Variants in PAX7 observed in about 807,000 individuals in gnomAD.
PAX7 encodes paired box 7.
A neutral mutation model predicts 50.7 loss-of-function variants in PAX7; 18 were observed. The ratio of observed to expected loss-of-function variants is 0.36; its 90% CI spans 0.25 to 0.53. The LOEUF (loss-of-function observed/expected upper bound fraction) is 0.53, where lower values mean the gene tolerates loss of function less well. PAX7 is among the 20% of genes least tolerant of loss of function. The pLI is 0.93. For synonymous variants in PAX7, 310 were observed against 290.4 expected (o/e 1.07, Z -0.69); for missense variants, 644 against 702.9 (o/e 0.92, Z 0.95).
chr1:18,713,980 G>C (rs997101994), intron 7 of PAX7, among the ~76,000 whole-genome samples: 2 of 152,188 alleles, frequency 1.3e-5, no homozygotes, highest in African/African-American at 4.8e-5. Flanking sequence ...GGAGGCCAAG[G>C]CGGGTGGATC....
In PAX7 at chr1:18,726,143, TGA is replaced by T. The variant is rs1478505121; in HGVS notation, c.1156-9487_1156-9486del. 1.1e-5 allele frequency among the ~76,000 whole-genome samples: 1 copy of T among 92,240 alleles called. No homozygotes were observed. Among genetic ancestry groups the T allele is most frequent in the Non-Finnish European group, 2.1e-5 (1 of 47,832 alleles). 60.5% of individuals were successfully genotyped at this position (92,240 alleles called of 152,430 possible). ...TTATAAAACAGACATTGGAAGAGTGTGAGTGTGTGTGTGTGTGTGTGTGTGTG... is the reference window on the plus strand; with the variant it reads ...TTATAAAACAGACATTGGAAGAGTGTGTGTGTGTGTGTGTGTGTGTGTGTG... On this transcript the variant is annotated intron_variant, in intron 7 of 8. Transcript: ENST00000420770. This position sits in a 1 kb window ranked among gnomAD's most constrained non-coding sequence, Gnocchi z 4.8.
intron 8 of PAX7, among the ~76,000 whole-genome samples, chr1:18,737,114 C>A (rs978306753): frequency 2.0e-5 from 3 of 152,274 alleles, no homozygotes; most frequent in Non-Finnish European, 4.4e-5. Flanking sequence ...CAGCCTCCAC[C>A]GCCTGGCAAG....
At chr1:18,642,749 G>A (rs1159828259) in intron 4 of PAX7, among the ~76,000 whole-genome samples, 1 of 152,022 alleles carries the variant, frequency 6.6e-6, no homozygotes, top group Non-Finnish European at 1.5e-5. Context: ...GGGGAGGGAG[G>A]GAGGGAACTC....
intron 4 of PAX7, among the ~76,000 whole-genome samples, chr1:18,656,855 G>A (rs1289640337): frequency 6.6e-6 from 1 of 152,026 alleles, no homozygotes; most frequent in African/African-American, 2.4e-5. Context: ...AGCCGGGCAT[G>A]GTGGGGCACG....
At chr1:18,683,539 A>T (rs2088928974) in intron 4 of PAX7, among the ~76,000 whole-genome samples, 1 of 152,238 alleles carries the variant, frequency 6.6e-6, no homozygotes, top group African/African-American at 2.4e-5. Flanking sequence ...TATCCAAAGG[A>T]CAGTCAAGAA....
chr1:18,631,771 G>A (rs1197379431), intron 1 of PAX7, 83 bp downstream of exon 1: 3 of 1,149,678 alleles, frequency 2.6e-6, no homozygotes, highest in Middle Eastern at 2.2e-4. Flanking sequence ...TCCAGGGGAC[G>A]GTGGCGGCGC....
rs1442472714 is a variant in PAX7, at chr1:18,746,514, T to C, written c.*1585T>C. On this transcript the variant is annotated 3_prime_UTR_variant, in exon 9 of 9. Transcript: ENST00000420770. ...ATCTTTACCATCACTGTCACTGTAA[T>C]CTACATTCCATCACCTTTATCAGGT... 1.7e-5 allele frequency: 4 copies of C among 231,088 alleles called. No homozygotes were observed. Among genetic ancestry groups the C allele is most frequent in the South Asian group, 1.8e-4 (1 of 5,516 alleles). 14.3% of individuals were successfully genotyped at this position (231,088 alleles called of 1,614,324 possible). A position where few individuals can be genotyped will look rare whatever the true frequency, so the allele number is the denominator to read the frequency against.
chr1:18,661,182 G>C (rs1350586880), intron 4 of PAX7, among the ~76,000 whole-genome samples: 1 of 152,110 alleles, frequency 6.6e-6, no homozygotes, highest in Non-Finnish European at 1.5e-5. Context: ...TGCCCTCAGA[G>C]GCCCCCTTGC....
chr1:18,663,721 C>G (rs528379085), intron 4 of PAX7, among the ~76,000 whole-genome samples: 1 of 152,312 alleles, frequency 6.6e-6, no homozygotes, highest in African/African-American at 2.4e-5. Flanking sequence ...ACTCTCAATC[C>G]TCTAGGATAA....
chr1:18,635,001 G>T, intron 2 of PAX7, 110 bp from the exon 3 acceptor site: 1 of 1,357,378 alleles, frequency 7.4e-7, no homozygotes, highest in Non-Finnish European at 1.0e-6. Flanking sequence ...GGGACACAAG[G>T]TAACCAGAAC....
chr1:18,714,605 TTACTG>T (rs1354541281), intron 7 of PAX7, among the ~76,000 whole-genome samples: 2 of 152,230 alleles, frequency 1.3e-5, no homozygotes, highest in African/African-American at 4.8e-5. Context: ...GATAGAGGCC[TTACTG>T]CTGTGGGCCT....
chr1:18,675,708 C>G (rs765137694), intron 4 of PAX7, among the ~76,000 whole-genome samples: 1 of 152,204 alleles, frequency 6.6e-6, no homozygotes, highest in African/African-American at 2.4e-5. Context: ...CATTTTCTGT[C>G]GCAGCTCTCA....
At chr1:18,677,893 C>A (rs1166499777) in intron 4 of PAX7, among the ~76,000 whole-genome samples, 1 of 149,954 alleles carries the variant, frequency 6.7e-6, no homozygotes, top group Non-Finnish European at 1.5e-5. Context: ...ACCAGCCTGA[C>A]CAATATGGTG....
At chr1:18,699,547 T>C (rs1173640378) in intron 5 of PAX7, among the ~76,000 whole-genome samples, 1 of 150,132 alleles carries the variant, frequency 6.7e-6, no homozygotes. Context: ...ATAAGTGGGC[T>C]CTAGAAAGCC....
At chr1:18,732,892 C>T (rs1212317014) in intron 7 of PAX7, among the ~76,000 whole-genome samples, 1 of 152,174 alleles carries the variant, frequency 6.6e-6, no homozygotes, top group Non-Finnish European at 1.5e-5. Flanking sequence ...AAGGATCAAA[C>T]TGGAGTCTCA....
rs532900276 is a variant in PAX7, at chr1:18,634,118, A to G, written c.86-185A>G. ...TATCCATCTCTGCAGGAGATTTCCT[A>G]GATTTATGACAGTTGTTTCTCAAAC... On this transcript the variant is annotated intron_variant, in intron 1 of 8. Transcript: ENST00000420770. The surrounding 1 kb of genome is among the most constrained non-coding windows in gnomAD (Gnocchi z 4.0). 2.0e-5 allele frequency among the ~76,000 whole-genome samples: 3 copies of G among 152,158 alleles called. No individual in the cohort carries two copies. The highest frequency in any genetic ancestry group is 4.4e-5 in the Non-Finnish European group (3 of 68,020).
rs1345669240 is a variant in PAX7, at chr1:18,745,086, G to A, written c.*157G>A. ...CCAGCCCCCTGGAGGTAGACAGCCAGCTTGTCACTCACCTGTGGTTAGGGA... is the reference window on the plus strand; with the variant it reads ...CCAGCCCCCTGGAGGTAGACAGCCAACTTGTCACTCACCTGTGGTTAGGGA... On this transcript the variant is annotated 3_prime_UTR_variant, in exon 9 of 9. Coordinates refer to ENST00000420770, the MANE Select transcript of PAX7 (RefSeq NM_001135254.2). The A allele has an allele frequency of 6.6e-6, 4 of 606,626 alleles. No individual in the cohort carries two copies. Among genetic ancestry groups the A allele is most frequent in the Non-Finnish European group, 1.2e-5 (4 of 338,636 alleles). 37.6% of individuals were successfully genotyped at this position (606,626 alleles called of 1,614,324 possible). A position where few individuals can be genotyped will look rare whatever the true frequency, so the allele number is the denominator to read the frequency against.
chr1:18,726,003 C>T lies in PAX7; in HGVS notation c.1156-9629C>T, dbSNP rs557801018. ...GAGTGTGTGTGTGTGTGCGCGCGCG[C>T]GCGTGCGCGCGTGTGTGTGCGTGTG... On this transcript the variant is annotated intron_variant, in intron 7 of 8. Coordinates refer to ENST00000420770, the MANE Select transcript of PAX7 (RefSeq NM_001135254.2). This position sits in a 1 kb window ranked among gnomAD's most constrained non-coding sequence, Gnocchi z 4.8. Among the ~76,000 whole-genome samples, 36 of 142,108 alleles carry T rather than the reference C, an allele frequency of 2.5e-4. No homozygotes were observed. The highest frequency in any genetic ancestry group is 6.5e-4 in the South Asian group (3 of 4,630). 93.2% of individuals were successfully genotyped at this position (142,108 alleles called of 152,430 possible).
In PAX7 at chr1:18,636,275, T is replaced by A. The variant is rs1170127932; in HGVS notation, c.490T>A (p.Phe164Ile). The A allele has an allele frequency of 1.2e-6, 2 of 1,613,960 alleles. No homozygotes were observed. The highest frequency in any genetic ancestry group is 2.2e-5 in the East Asian group (1 of 44,882). ...GATTAGCCGCGTGCTCAGAATCAAG[T>A]TCGGGAAGAAAGAGGAGGAGGATGA... ...SSISRVLRIK[F>I]GKKEEEDEAD... Residue 164 changes from phenylalanine to isoleucine, a missense_variant, in exon 4 of 9, where the codon TTC becomes ATC. Phe to Ile is a conservative substitution (Grantham distance 21). Coordinates refer to ENST00000420770, the MANE Select transcript of PAX7 (RefSeq NM_001135254.2). This position sits in a 1 kb window ranked among gnomAD's most constrained non-coding sequence, Gnocchi z 5.1.
Sources: allele counts gnomAD v4.1 joint callset (sites outside exome capture counted in the v4.1 genomes callset), GRCh38; gene constraint gnomAD v4.1.1; non-coding constraint Gnocchi (gnomAD v3.1); transcripts MANE v1.5; gene names NCBI Gene and HGNC (gene_info 2026-07-23, HGNC 2026-07-21).